The following KHDRBS2 variants were observed in gnomAD, a reference collection of about 807,000 sequenced individuals.
The protein encoded by KHDRBS2 is KH RNA binding domain containing, signal transduction associated 2.
In KHDRBS2, 26 loss-of-function variants were observed where a neutral mutation model predicts 44.3. That is an observed-to-expected ratio of 0.59 (90% confidence interval 0.43 to 0.81). The LOEUF (loss-of-function observed/expected upper bound fraction) is 0.81, where lower values mean the gene tolerates loss of function less well. Among genes scored for constraint, KHDRBS2 ranks in the 40% least tolerant of loss-of-function variants. KHDRBS2 has a pLI of 0.00. For missense variants in KHDRBS2, 476 were observed against 433.1 expected (o/e 1.10, Z -0.88); for synonymous variants, 194 against 151.1 (o/e 1.28, Z -2.08).
the KHDRBS2 span, among the ~76,000 whole-genome samples, chr6:61,575,915 G>A: frequency 1.1e-4 from 16 of 152,146 alleles, no homozygotes; most frequent in African/African-American, 3.6e-4. Context: ...AGGACACAAA[G>A]GCATAAGAAT....
At chr6:61,920,379 C>A (rs1044080728) in intron 4 of KHDRBS2, among the ~76,000 whole-genome samples, 2 of 151,892 alleles carry the variant, frequency 1.3e-5, no homozygotes, top group African/African-American at 4.8e-5. Context: ...AAAATGGTAT[C>A]TAGCACATAC....
chr6:62,215,656 C>A lies in KHDRBS2; in HGVS notation c.92-38344G>T, dbSNP rs1307186879. ...TAAATTATTCTGTTTATGTATCTTC[C>A]CATAATCTTCTCAACCCACCGGAAT... On this transcript the variant is annotated intron_variant, in intron 1 of 8. Coordinates refer to ENST00000281156, the MANE Select transcript of KHDRBS2 (RefSeq NM_152688.4). Among the ~76,000 whole-genome samples the A allele has an allele frequency of 5.9e-5, 9 of 151,582 alleles. 1 individual carries two copies. The highest frequency in any genetic ancestry group is 4.4e-5 in the Non-Finnish European group (3 of 67,784).
intron 4 of KHDRBS2, among the ~76,000 whole-genome samples, chr6:61,929,717 C>A (rs572371799): frequency 4.7e-4 from 71 of 152,162 alleles, no homozygotes; most frequent in African/African-American, 1.6e-3. Flanking sequence ...AATCTGGATT[C>A]CATTATAAGC....
intron 2 of KHDRBS2, among the ~76,000 whole-genome samples, chr6:62,065,332 ATG>A (rs1319511137): frequency 9.2e-5 from 14 of 152,016 alleles, no homozygotes; most frequent in Non-Finnish European, 1.9e-4. Context: ...ACACATGCAC[ATG>A]TATGTTTATT....
chr6:61,554,316 G>A, the KHDRBS2 span, among the ~76,000 whole-genome samples: 1 of 151,874 alleles, frequency 6.6e-6, no homozygotes, highest in Admixed American at 6.6e-5. Context: ...TCTGAAATTA[G>A]AAGAGCAACC....
At chr6:61,949,592 A>C (rs1050822904) in intron 4 of KHDRBS2, among the ~76,000 whole-genome samples, 1 of 152,092 alleles carries the variant, frequency 6.6e-6, no homozygotes, top group African/African-American at 2.4e-5. Context: ...CTTACATTGG[A>C]AAATACGTTG....
At chr6:61,915,905 G>A (rs181141109) in intron 4 of KHDRBS2, among the ~76,000 whole-genome samples, 2 of 152,074 alleles carry the variant, frequency 1.3e-5, no homozygotes, top group East Asian at 3.9e-4. Context: ...CCATTAATTG[G>A]CTGTCTTCTG....
intron 2 of KHDRBS2, among the ~76,000 whole-genome samples, chr6:62,064,313 A>G (rs1177614045): frequency 4.7e-5 from 7 of 149,896 alleles, no homozygotes; most frequent in Admixed American, 2.0e-4. Context: ...AAAAGAGCCC[A>G]CATCGCCAAG....
chr6:61,919,438 G>A (rs964946225), intron 4 of KHDRBS2, among the ~76,000 whole-genome samples: 5 of 151,912 alleles, frequency 3.3e-5, no homozygotes, highest in East Asian at 1.9e-4. Context: ...ATTGGGAATC[G>A]ACTGTGCAGA....
chr6:61,777,591 G>A (rs1266458153), intron 6 of KHDRBS2, among the ~76,000 whole-genome samples: 5 of 152,086 alleles, frequency 3.3e-5, no homozygotes, highest in African/African-American at 1.2e-4. Flanking sequence ...ATTTTCAAGT[G>A]ACACAACAAT....
chr6:61,767,696 T>C (rs979370094), intron 6 of KHDRBS2, among the ~76,000 whole-genome samples: 2 of 152,162 alleles, frequency 1.3e-5, no homozygotes, highest in Non-Finnish European at 2.9e-5. Flanking sequence ...TATAACCAAT[T>C]ATTTTAAACT....
intron 6 of KHDRBS2, among the ~76,000 whole-genome samples, chr6:61,826,494 A>G (rs1457820246): frequency 6.6e-6 from 1 of 151,814 alleles, no homozygotes; most frequent in South Asian, 2.1e-4. Flanking sequence ...GCCCTTTCAG[A>G]GAAGGGGTTT....
Position 62,269,923 on chromosome 6 carries a change from A to G in KHDRBS2, c.91+15935T>C, listed in dbSNP as rs1839801082. Among the ~76,000 whole-genome samples the G allele has an allele frequency of 2.0e-5, 3 of 152,146 alleles. No individual in the cohort carries two copies. The South Asian group carries it at 6.2e-4, about 31-fold the overall frequency. On this transcript the variant is annotated intron_variant, in intron 1 of 8. Transcript: ENST00000281156. Reference sequence around the variant, plus strand: ...TATAAAAGAAATAAACTATTAATAAATGCAACAACATGGATGACTGTCCAA... The same window carrying G: ...TATAAAAGAAATAAACTATTAATAAGTGCAACAACATGGATGACTGTCCAA...
At chr6:61,925,080 T>A (rs1227127537) in intron 4 of KHDRBS2, among the ~76,000 whole-genome samples, 2 of 152,194 alleles carry the variant, frequency 1.3e-5, no homozygotes, top group East Asian at 1.9e-4. Context: ...TCAAATAGCA[T>A]GTAATCTTGT....
chr6:62,148,772 G>C, intron 2 of KHDRBS2, among the ~76,000 whole-genome samples: 1 of 152,018 alleles, frequency 6.6e-6, no homozygotes, highest in East Asian at 1.9e-4. Context: ...ACTGGACAAA[G>C]GACAGAACTC....
chr6:62,012,762 T>G (rs1322132045), intron 3 of KHDRBS2, among the ~76,000 whole-genome samples: 2 of 152,138 alleles, frequency 1.3e-5, no homozygotes, highest in Admixed American at 6.5e-5. Context: ...TCTTGACTAC[T>G]CTAACTACAT....
chr6:62,065,206 A>C (rs1793279502), intron 2 of KHDRBS2, among the ~76,000 whole-genome samples: 3 of 152,110 alleles, frequency 2.0e-5, no homozygotes, highest in Admixed American at 2.0e-4. Context: ...TAGTTCAACC[A>C]TTGTGGAAGT....
At chr6:62,240,380 A>G (rs192733438) in intron 1 of KHDRBS2, among the ~76,000 whole-genome samples, 290 of 151,838 alleles carry the variant, frequency 1.9e-3, no homozygotes, top group African/African-American at 6.6e-3. Flanking sequence ...CATTTCTCCA[A>G]ATATCCTGGT....
intron 2 of KHDRBS2, among the ~76,000 whole-genome samples, chr6:62,071,771 G>C (rs1456025664): frequency 2.0e-5 from 3 of 152,172 alleles, no homozygotes; most frequent in Non-Finnish European, 4.4e-5. Flanking sequence ...AAGTCAGGTA[G>C]CGTGATGCCT....
Sources: allele counts gnomAD v4.1 joint callset (sites outside exome capture counted in the v4.1 genomes callset), GRCh38; gene constraint gnomAD v4.1.1; transcripts MANE v1.5; gene names NCBI Gene and HGNC (gene_info 2026-07-23, HGNC 2026-07-21).